Variants in USP10 observed in about 807,000 individuals in gnomAD.
USP10 encodes ubiquitin carboxyl-terminal hydrolase 10.
In USP10, 22 loss-of-function variants were observed where a neutral mutation model predicts 84.5. The ratio of observed to expected loss-of-function variants is 0.26; its 90% CI spans 0.19 to 0.37. The LOEUF (loss-of-function observed/expected upper bound fraction) is 0.37. Among genes scored for constraint, USP10 ranks in the 10% least tolerant of loss-of-function variants. The pLI is 1.00. For missense variants in USP10, 1,019 were observed against 998.9 expected (o/e 1.02, Z -0.27); for synonymous variants, 454 against 387.6 (o/e 1.17, Z -2.01).
chr16:84,766,955 C>T (rs1291864041), intron 10 of USP10, among the ~76,000 whole-genome samples: 1 of 152,126 alleles, frequency 6.6e-6, no homozygotes, highest in East Asian at 1.9e-4. Flanking sequence ...CGCCTTTCTT[C>T]CCCGGTGCCA....
chr16:84,753,604 C>T lies in USP10; in HGVS notation c.1193-5112C>T, dbSNP rs562988007. Among the ~76,000 whole-genome samples, 9 of 152,282 alleles carry T rather than the reference C, an allele frequency of 5.9e-5. No individual in the cohort carries two copies. In the South Asian group the frequency reaches 8.3e-4, roughly 14 times the overall value. ...TGAATGAAGTGGCAGAGCCAGGGCG[C>T]GAACCCCCGTCTTCCTGGTTTGTGT... On this transcript the variant is annotated intron_variant, in intron 4 of 13. Coordinates refer to ENST00000219473, the MANE Select transcript of USP10 (RefSeq NM_005153.3).
Position 84,759,900 on chromosome 16 carries a change from A to G in USP10, c.1404A>G (p.Leu468=), listed in dbSNP as rs766961044. ...STPMIDSFVR[L]MNEFTNMPVP... is the part of the protein sequence containing the mutation. Reference sequence around the variant, plus strand: ...TTTTCCCCATGTTTAGTGTTCGGCTAATGAATGAGTTCACTAATATGCCAG... The same window carrying G: ...TTTTCCCCATGTTTAGTGTTCGGCTGATGAATGAGTTCACTAATATGCCAG... The change falls in exon 7 of 14, where the codon CTA becomes CTG. Residue 468 remains leucine (L), a synonymous_variant. Coordinates refer to ENST00000219473, the MANE Select transcript of USP10 (RefSeq NM_005153.3). 2 of 1,613,876 alleles carry G rather than the reference A, an allele frequency of 1.2e-6. No individual in the cohort carries two copies. Among genetic ancestry groups the G allele is most frequent in the Non-Finnish European group, 1.7e-6 (2 of 1,179,884 alleles).
intron 1 of USP10, among the ~76,000 whole-genome samples, chr16:84,723,393 G>C (rs953870012): frequency 2.0e-5 from 3 of 152,084 alleles, no homozygotes; most frequent in African/African-American, 7.2e-5. Flanking sequence ...TTTATTTGAA[G>C]ATTATATTTG....
intron 3 of USP10, among the ~76,000 whole-genome samples, chr16:84,742,158 CA>C (rs755326411): frequency 1.5e-4 from 23 of 152,126 alleles, no homozygotes; most frequent in Non-Finnish European, 3.2e-4. Flanking sequence ...AGGCATACAA[CA>C]AGTAATAATC....
chr16:84,728,547 T>A (rs900069924), intron 1 of USP10, among the ~76,000 whole-genome samples: 2 of 152,064 alleles, frequency 1.3e-5, no homozygotes, highest in African/African-American at 2.4e-5. Flanking sequence ...GCCAGGATGG[T>A]CTCAATCTCC....
chr16:84,714,549 T>A (rs1426628031), intron 1 of USP10, among the ~76,000 whole-genome samples: 1 of 152,302 alleles, frequency 6.6e-6, no homozygotes, highest in Middle Eastern at 3.4e-3. Context: ...TTTTTTTTTT[T>A]AGATCTCAAG....
chr16:84,757,319 C>G (rs1912660447), intron 4 of USP10, among the ~76,000 whole-genome samples: 1 of 150,922 alleles, frequency 6.6e-6, no homozygotes, highest in East Asian at 2.0e-4. Context: ...AGAAGAAGAG[C>G]TAGCAGAAAT....
At chr16:84,762,071 G>T (rs1913272030) in intron 8 of USP10, among the ~76,000 whole-genome samples, 1 of 152,358 alleles carries the variant, frequency 6.6e-6, no homozygotes, top group Non-Finnish European at 1.5e-5. Flanking sequence ...AATGAAATAT[G>T]AACTGATGAT....
intron 1 of USP10, among the ~76,000 whole-genome samples, chr16:84,712,042 A>G (rs1258044967): frequency 6.6e-6 from 1 of 152,188 alleles, no homozygotes; most frequent in Non-Finnish European, 1.5e-5. Flanking sequence ...TAAGGTGGAC[A>G]GAAACACCTT....
rs1461134624 is a variant in USP10, at chr16:84,745,214, G to T, written c.733G>T (p.Gly245Cys). The T allele has an allele frequency of 6.2e-7, 1 of 1,613,198 alleles. No individual in the cohort carries two copies. The highest frequency in any genetic ancestry group is 1.3e-5 in the African/African-American group (1 of 75,040). Residue 245 changes from glycine to cysteine, a missense_variant, in exon 4 of 14, where the codon GGC becomes TGC. By Grantham distance (159) the Gly-to-Cys change is radical (BLOSUM62 -3). Around this residue, in one of 2 missense-constraint regions of USP10, gnomAD observed 787 missense variants for 708.8 expected, o/e 1.11. Transcript: ENST00000219473. ...CAGGACTGCAGGGCAGCCAGAGGGG[G>T]GCCCCGGGGCTGATTTTGGTCAGTC... ...DTRTAGQPEG[G>C]PGADFGQSCF...
At chr16:84,742,916 A>G (rs34179694) in intron 3 of USP10, among the ~76,000 whole-genome samples, 30,381 of 152,250 alleles carry the variant, frequency 0.2, 3,656 homozygotes, top group East Asian at 0.37. Flanking sequence ...AGATGTGTAC[A>G]GCACATCTGT....
At chr16:84,762,591 T>C (rs1242130541) in intron 8 of USP10, among the ~76,000 whole-genome samples, 3 of 151,718 alleles carry the variant, frequency 2.0e-5, no homozygotes, top group Non-Finnish European at 4.4e-5. Context: ...CTCGGGAGGC[T>C]GAGGCAGGAG....
At chr16:84,706,959 G>A (rs1905610267) in intron 1 of USP10, among the ~76,000 whole-genome samples, 1 of 152,116 alleles carries the variant, frequency 6.6e-6, no homozygotes, top group African/African-American at 2.4e-5. Flanking sequence ...ATCATTTGAA[G>A]CCTATAAACT....
intron 1 of USP10, 103 bp downstream of exon 1, chr16:84,700,214 GA>G: frequency 2.1e-6 from 2 of 938,974 alleles, no homozygotes; most frequent in Non-Finnish European, 2.7e-6. Flanking sequence ...GAGCGTGTGG[GA>G]GTGGGGGAGG....
intron 1 of USP10, chr16:84,733,179 A>G (rs1228208757): frequency 7.4e-6 from 4 of 543,234 alleles, no homozygotes; most frequent in Non-Finnish European, 6.9e-6. Context: ...AGTTTGGCAT[A>G]CAAAATTGAT....
intron 9 of USP10, among the ~76,000 whole-genome samples, chr16:84,763,655 T>C (rs1388191555): frequency 6.6e-6 from 1 of 152,268 alleles, no homozygotes; most frequent in Non-Finnish European, 1.5e-5. Context: ...TAGGAGTTTA[T>C]GTAAACAAGG....
At chr16:84,700,393 T>A (rs1395950322) in intron 1 of USP10, among the ~76,000 whole-genome samples, 1 of 151,516 alleles carries the variant, frequency 6.6e-6, no homozygotes, top group Admixed American at 6.6e-5. Flanking sequence ...GGGGTTAACC[T>A]CCCTGGGGCT....
intron 2 of USP10, 82 bp from the exon 3 acceptor site, chr16:84,740,227 T>C: frequency 2.3e-6 from 3 of 1,289,342 alleles, no homozygotes; most frequent in Non-Finnish European, 1.1e-6. Context: ...AGAGTTTTAA[T>C]GAATTGTTGC....
chr16:84,774,406 G>A (rs1452124772), intron 12 of USP10, among the ~76,000 whole-genome samples: 1 of 152,154 alleles, frequency 6.6e-6, no homozygotes, highest in Non-Finnish European at 1.5e-5. Context: ...CCGCCTCGTA[G>A]CAGCTGGTAG....
Sources: allele counts gnomAD v4.1 joint callset (sites outside exome capture counted in the v4.1 genomes callset), GRCh38; gene constraint gnomAD v4.1.1; regional missense constraint gnomAD v4.1.1; transcripts MANE v1.5; gene names NCBI Gene and HGNC (gene_info 2026-07-23, HGNC 2026-07-21).